Variants in ATRNL1 observed in about 807,000 individuals in gnomAD.
The protein encoded by ATRNL1 is attractin-like protein 1.
In ATRNL1, 95 loss-of-function variants were observed where a neutral mutation model predicts 182.7. The observed-to-expected ratio is 0.52, with a 90% CI of 0.44 to 0.62. The LOEUF (loss-of-function observed/expected upper bound fraction) is 0.62, where lower values mean the gene tolerates loss of function less well. ATRNL1 is among the 20% of genes least tolerant of loss of function. ATRNL1 has a pLI of 0.00. For missense variants in ATRNL1, 1,471 were observed against 1,679.5 expected (o/e 0.88, Z 2.17); for synonymous variants, 576 against 568.3 (o/e 1.01, Z -0.19).
At chr10:115,884,232 A>G (rs1461225099) in intron 28 of ATRNL1, among the ~76,000 whole-genome samples, 2 of 152,236 alleles carry the variant, frequency 1.3e-5, no homozygotes, top group African/African-American at 2.4e-5. Flanking sequence ...CATGGCTATG[A>G]AGCCCTTATA....
chr10:115,508,617 C>T (rs1190095342), intron 24 of ATRNL1, among the ~76,000 whole-genome samples: 4 of 151,748 alleles, frequency 2.6e-5, no homozygotes, highest in South Asian at 2.1e-4. Context: ...TTTAGTTGTC[C>T]GAATATAAGA....
At chr10:115,604,530 A>T (rs1856774559) in intron 26 of ATRNL1, among the ~76,000 whole-genome samples, 1 of 151,866 alleles carries the variant, frequency 6.6e-6, no homozygotes, top group African/African-American at 2.4e-5. Context: ...TTTGGTAAAA[A>T]TTCAAAGAGA....
intron 26 of ATRNL1, among the ~76,000 whole-genome samples, chr10:115,708,259 T>C (rs7908993): frequency 0.38 from 57,050 of 151,200 alleles, 11,684 homozygotes; most frequent in East Asian, 0.65. Context: ...GTCAATACTG[T>C]AATAGAAAGA....
intron 5 of ATRNL1, among the ~76,000 whole-genome samples, chr10:115,157,445 A>G (rs933887032): frequency 1.3e-5 from 2 of 152,168 alleles, no homozygotes; most frequent in Non-Finnish European, 2.9e-5. Context: ...AATTATATTT[A>G]TAAATCTTGT....
At chr10:115,381,521 T>C (rs2485969) in intron 19 of ATRNL1, among the ~76,000 whole-genome samples, 56,226 of 148,858 alleles carry the variant, frequency 0.38, 11,756 homozygotes, top group African/African-American at 0.56. Context: ...GATCCGCCCG[T>C]CTCGGCCTTC....
At chr10:115,110,946 GT>G (rs1564742491) in intron 1 of ATRNL1, among the ~76,000 whole-genome samples, 1 of 152,166 alleles carries the variant, frequency 6.6e-6, no homozygotes, top group Non-Finnish European at 1.5e-5. Flanking sequence ...ACTAATTGCT[GT>G]CTGGATCCAC....
At chr10:115,178,184 A>G (rs534486193) in intron 8 of ATRNL1, among the ~76,000 whole-genome samples, 5 of 152,184 alleles carry the variant, frequency 3.3e-5, no homozygotes, top group Admixed American at 2.6e-4. Flanking sequence ...TGCTGGGACT[A>G]CAGACATGAG....
At chr10:115,370,955 A>C (rs151145399) in intron 19 of ATRNL1, among the ~76,000 whole-genome samples, 1 of 152,138 alleles carries the variant, frequency 6.6e-6, no homozygotes, top group African/African-American at 2.4e-5. Context: ...TGTCCAGTCT[A>C]GGGACTTGGT....
intron 19 of ATRNL1, among the ~76,000 whole-genome samples, chr10:115,355,241 T>C (rs1473796453): frequency 6.6e-6 from 1 of 152,182 alleles, no homozygotes; most frequent in African/African-American, 2.4e-5. Context: ...AGGTATTTGT[T>C]CCAGTCTTTC....
At chr10:115,332,043 G>A (rs1046538102) in intron 18 of ATRNL1, among the ~76,000 whole-genome samples, 9 of 152,106 alleles carry the variant, frequency 5.9e-5, no homozygotes, top group Non-Finnish European at 8.8e-5. Context: ...TTTTCCATAG[G>A]TGGCCTCAGG....
intron 26 of ATRNL1, among the ~76,000 whole-genome samples, chr10:115,663,210 G>C (rs1386525213): frequency 3.9e-5 from 6 of 151,990 alleles, no homozygotes; most frequent in African/African-American, 1.4e-4. Context: ...AGTAAACTGA[G>C]GTTCAAAGAA....
intron 21 of ATRNL1, among the ~76,000 whole-genome samples, chr10:115,439,349 T>C (rs1846555516): frequency 6.6e-6 from 1 of 151,934 alleles, no homozygotes; most frequent in Admixed American, 6.6e-5. Context: ...GTATACATCA[T>C]GTGAAAAACA....
At chr10:115,552,563 T>C (rs1360769434) in intron 26 of ATRNL1, among the ~76,000 whole-genome samples, 13 of 151,538 alleles carry the variant, frequency 8.6e-5, no homozygotes, top group African/African-American at 3.1e-4. Flanking sequence ...GGAAATGTTT[T>C]AATATATTGT....
At chr10:115,417,941 G>A (rs1845474608) in intron 20 of ATRNL1, among the ~76,000 whole-genome samples, 1 of 152,156 alleles carries the variant, frequency 6.6e-6, no homozygotes, top group Admixed American at 6.5e-5. Context: ...TCTGAAGAAG[G>A]ATGAGCAAAA....
At chr10:115,165,061 A>G (rs1241749083) in intron 6 of ATRNL1, among the ~76,000 whole-genome samples, 3 of 152,078 alleles carry the variant, frequency 2.0e-5, no homozygotes, top group African/African-American at 7.2e-5. Flanking sequence ...CATTCTATAC[A>G]TATATCAAAA....
At chr10:115,417,370 C>T (rs560382639) in intron 20 of ATRNL1, among the ~76,000 whole-genome samples, 1 of 152,268 alleles carries the variant, frequency 6.6e-6, no homozygotes, top group South Asian at 2.1e-4. Flanking sequence ...GGGAGACTTG[C>T]CCATATCCTG....
At chr10:115,453,995 G>A (rs1369195270) in intron 21 of ATRNL1, among the ~76,000 whole-genome samples, 2 of 152,002 alleles carry the variant, frequency 1.3e-5, no homozygotes, top group Non-Finnish European at 2.9e-5. Flanking sequence ...GTTCTCTGTT[G>A]ATAAGCATTT....
rs782285001 is a variant in ATRNL1 at position 115,129,355 on chromosome 10, G to C, written c.649G>C (p.Gly217Arg). The change falls in exon 5 of 29, where the codon GGT becomes CGT. Residue 217 changes from glycine (G) to arginine (R), a missense_variant. Physicochemically the swap from Gly to Arg is moderately radical, Grantham distance 125. Around this residue, in one of 3 missense-constraint regions of ATRNL1, gnomAD observed 1,031 missense variants for 1,156.0 expected, o/e 0.89. Coordinates refer to ENST00000355044, the MANE Select transcript of ATRNL1 (RefSeq NM_207303.4). The part of the protein sequence containing the change: ...SINSCPNNCS[G>R]HGKCTTSVSV... ...CAATTCTTGTCCTAACAATTGCTCT[G>C]GTCATGGGAAGTGTACAACTAGTGT... is the stretch of plus-strand genomic sequence containing the variant. 6.2e-7 allele frequency: 1 copy of C among 1,612,990 alleles called. No homozygotes were observed. The highest frequency in any genetic ancestry group is 1.1e-5 in the South Asian group (1 of 91,032).
rs1321579720 is a variant in ATRNL1, at chr10:115,936,589, A to G, written c.4019-8069A>G. Among the ~76,000 whole-genome samples, 6 of 152,236 alleles carry G rather than the reference A, an allele frequency of 3.9e-5. No homozygotes were observed. In the East Asian group the frequency reaches 1.2e-3, roughly 29 times the overall value. ...ATTAACTAAATTTATATAATACATT[A>G]TAGTTTATAAAACACTTTCACATAC... On this transcript the variant is annotated intron_variant, in intron 28 of 28. Coordinates refer to ENST00000355044, the MANE Select transcript of ATRNL1 (RefSeq NM_207303.4).
Sources: gnomAD v4.1 joint callset for allele counts (sites outside exome capture counted in the v4.1 genomes callset) on GRCh38, gnomAD v4.1.1 for gene constraint, gnomAD v4.1.1 regional missense constraint, MANE v1.5 for transcripts, NCBI Gene and HGNC (gene_info 2026-07-23, HGNC 2026-07-21) for gene names.